FLNB: variants seen among roughly 807,000 people sequenced by gnomAD.
FLNB encodes filamin-B.
FLNB carries 111 observed loss-of-function variants against 250.6 expected under a neutral mutation model. The ratio of observed to expected loss-of-function variants is 0.44; its 90% confidence interval spans 0.38 to 0.52. FLNB has a LOEUF of 0.52. FLNB is among the 20% of genes least tolerant of loss of function. The pLI is 0.00. For synonymous variants in FLNB, 1,302 were observed against 1,372.1 expected (o/e 0.95, Z 1.13); for missense variants, 2,869 against 3,447.8 (o/e 0.83, Z 4.20).
In FLNB at chr3:58,111,782, C is replaced by G; in HGVS notation, c.2485-9C>G. ...GGGCTTTCCTACTAAGACTGTGTCT[C>G]TGCTACAGGAAATCCCCGCCAGCCC... On this transcript the variant is annotated splice_polypyrimidine_tract_variant and intron_variant, in intron 16 of 45. Transcript: ENST00000295956. 1 of 1,609,624 alleles carries G rather than the reference C, an allele frequency of 6.2e-7. No homozygotes were observed. Among genetic ancestry groups the G allele is most frequent in the Non-Finnish European group, 8.5e-7 (1 of 1,175,904 alleles).
rs748234943 is a variant in FLNB, at chr3:58,123,656, G to T, written c.3690G>T (p.Arg1230Ser). The T allele has an allele frequency of 3.7e-6, 6 of 1,607,138 alleles. No homozygotes were observed. The African/African-American group carries it at 8.1e-5, about 22-fold the overall frequency. ...TGGAGCCCGCCGTGGACACCAGCAG[G>T]ATCAAAGTCTTTGGACCAGGAATAG... is the stretch of plus-strand genomic sequence containing the variant. ...VKVEPAVDTS[R>S]IKVFGPGIEG... The change falls in exon 21 of 46, where the codon AGG (arginine) becomes AGT (serine). Residue 1230 changes from arginine (R) to serine (S), a missense_variant. Physicochemically the swap from Arg to Ser is moderately radical, Grantham distance 110. Coordinates refer to ENST00000295956, the MANE Select transcript of FLNB (RefSeq NM_001457.4).
chr3:58,134,690 A>G lies in FLNB; in HGVS notation c.4589A>G (p.Tyr1530Cys), dbSNP rs776043627. The part of the protein sequence containing the change: ...VTASGPGLSS[Y>C]GVPASLPVDF... ...GCCAGTGGCCCCGGCCTTAGTTCCT[A>G]TGGTGTGCCTGCCAGTCTACCTGTG... Residue 1530 changes from tyrosine to cysteine, a missense_variant, in exon 27 of 46, where the codon TAT becomes TGT. Physicochemically the swap from Tyr to Cys is radical, Grantham distance 194 (BLOSUM62 -2). This residue lies in a region of FLNB where 126 missense variants were observed against 182.0 expected (regional missense o/e 0.69). Coordinates refer to ENST00000295956, the MANE Select transcript of FLNB (RefSeq NM_001457.4). 7.4e-6 allele frequency: 12 copies of G among 1,614,144 alleles called. No individual in the cohort carries two copies. The highest frequency in any genetic ancestry group is 1.3e-5 in the African/African-American group (1 of 75,032).
At chr3:58,153,306 C>T in intron 38 of FLNB, 69 bp from the exon 39 acceptor site, 1 of 1,578,976 alleles carries the variant, frequency 6.3e-7, no homozygotes, top group Non-Finnish European at 8.7e-7. Flanking sequence ...GCTTGCCCTG[C>T]ATGTCCTGCC....
intron 41 of FLNB, among the ~76,000 whole-genome samples, chr3:58,157,370 T>C (rs2107301172): frequency 6.6e-6 from 1 of 152,346 alleles, no homozygotes; most frequent in East Asian, 1.9e-4. Context: ...GGTGATATCA[T>C]TGGCTTTAGT....
intron 24 of FLNB, 87 bp from the exon 25 acceptor site, chr3:58,130,654 C>T (rs1030766077): frequency 3.9e-5 from 56 of 1,423,708 alleles, no homozygotes; most frequent in Middle Eastern, 2.2e-4. Context: ...GCCGAGGTCC[C>T]GGGGGAGCAG....
intron 35 of FLNB, 113 bp downstream of exon 35, chr3:58,148,477 C>A: frequency 7.4e-7 from 1 of 1,357,624 alleles, no homozygotes. Flanking sequence ...TGTGATAAAC[C>A]TGCTGGGTCA....
intron 1 of FLNB, among the ~76,000 whole-genome samples, chr3:58,014,994 T>G (rs895992510): frequency 6.6e-6 from 1 of 152,228 alleles, no homozygotes; most frequent in Non-Finnish European, 1.5e-5. Context: ...CCCAAAGTGC[T>G]GGGATTACAG....
chr3:58,088,721 TAA>T (rs1018585464), intron 4 of FLNB, among the ~76,000 whole-genome samples: 11 of 152,038 alleles, frequency 7.2e-5, no homozygotes, highest in Admixed American at 7.2e-4. Flanking sequence ...GCAGAAAACT[TAA>T]AGAGTCACTG....
chr3:58,063,536 A>G (rs1379579150), intron 1 of FLNB, among the ~76,000 whole-genome samples: 2 of 152,224 alleles, frequency 1.3e-5, no homozygotes, highest in Non-Finnish European at 2.9e-5. Flanking sequence ...AAGCAGGCAG[A>G]GTTCCCCCTA....
At chr3:58,088,871 G>A (rs2097221565) in intron 4 of FLNB, among the ~76,000 whole-genome samples, 2 of 152,164 alleles carry the variant, frequency 1.3e-5, no homozygotes, top group Admixed American at 6.5e-5. Flanking sequence ...GAGCAGTAAT[G>A]AGGCACTCCT....
intron 41 of FLNB, among the ~76,000 whole-genome samples, chr3:58,158,419 T>A (rs568794804): frequency 1.3e-5 from 2 of 152,190 alleles, no homozygotes; most frequent in African/African-American, 2.4e-5. Flanking sequence ...CTTTAGGACC[T>A]TGCCATGAAG....
At chr3:58,163,425 C>A (rs746200061) in intron 43 of FLNB, 95 bp downstream of exon 43, 2 of 1,300,064 alleles carry the variant, frequency 1.5e-6, no homozygotes, top group Non-Finnish European at 2.2e-6. Flanking sequence ...GCTTTTTACA[C>A]GTACTCCCCG....
chr3:58,060,040 C>G (rs1220363629), intron 1 of FLNB, among the ~76,000 whole-genome samples: 1 of 152,212 alleles, frequency 6.6e-6, no homozygotes, highest in Non-Finnish European at 1.5e-5. Context: ...ACAGCAGTTC[C>G]TCATAAAGCA....
chr3:58,035,476 T>G lies in FLNB; in HGVS notation c.292+26620T>G, dbSNP rs956699489. ...TCTGAAGAGGGGGCAGAATGGTGGT[T>G]TAGGGAACGCAACATGTACCCCACC... On this transcript the variant is annotated intron_variant, in intron 1 of 45. Transcript: ENST00000295956. Among the ~76,000 whole-genome samples the G allele has an allele frequency of 4.6e-5, 7 of 152,054 alleles. 1 individual carries two copies. Among genetic ancestry groups the G allele is most frequent in the Admixed American group, 3.9e-4 (6 of 15,256 alleles).
intron 40 of FLNB, among the ~76,000 whole-genome samples, chr3:58,155,487 G>A (rs1310055110): frequency 6.6e-6 from 1 of 152,142 alleles, no homozygotes; most frequent in Non-Finnish European, 1.5e-5. Context: ...ATAAGATTTG[G>A]TGACAGTATA....
rs2097162313 is a variant in FLNB, at chr3:58,051,475, T to C, written c.293-25571T>C. Among the ~76,000 whole-genome samples the C allele has an allele frequency of 2.6e-5, 4 of 152,182 alleles. No individual in the cohort carries two copies. The South Asian group carries it at 8.3e-4, about 32-fold the overall frequency. On this transcript the variant is annotated intron_variant, in intron 1 of 45. Coordinates refer to ENST00000295956, the MANE Select transcript of FLNB (RefSeq NM_001457.4). ...TCCTTTCCCTTTCTTTGTATACTTT[T>C]TCTGGTCTGCTACGTGTCCATCTGC...
intron 4 of FLNB, among the ~76,000 whole-genome samples, chr3:58,091,376 GCC>G (rs2097227020): frequency 6.6e-6 from 1 of 152,112 alleles, no homozygotes; most frequent in African/African-American, 2.4e-5. Flanking sequence ...CAGAATTGCA[GCC>G]CCACACAAAT....
rs2097244182 is a variant in FLNB, at chr3:58,098,928, C to T, written c.1345+20C>T. 1 of 1,607,494 alleles carries T rather than the reference C, an allele frequency of 6.2e-7. No homozygotes were observed. The highest frequency in any genetic ancestry group is 8.5e-7 in the Non-Finnish European group (1 of 1,174,588). ...GGGAAGGTGAGTGCTGGGCTGCTGG[C>T]CACATGTGCTTCTCATAGGGAAGCT... On this transcript the variant is annotated intron_variant, in intron 8 of 45. Coordinates refer to ENST00000295956, the MANE Select transcript of FLNB (RefSeq NM_001457.4).
intron 33 of FLNB, 118 bp from the exon 34 acceptor site, chr3:58,146,702 A>T (rs1438342592): frequency 9.9e-7 from 1 of 1,006,892 alleles, no homozygotes; most frequent in Non-Finnish European, 1.6e-6. Flanking sequence ...GCTCACGTGG[A>T]GTGCGTCAAT....
Sources: allele counts gnomAD v4.1 joint callset (sites outside exome capture counted in the v4.1 genomes callset), GRCh38; gene constraint gnomAD v4.1.1; regional missense constraint gnomAD v4.1.1; transcripts MANE v1.5; gene names NCBI Gene and HGNC (gene_info 2026-07-23, HGNC 2026-07-21).